PARP11: variants seen among roughly 807,000 people sequenced by gnomAD.
PARP11 encodes the protein protein mono-ADP-ribosyltransferase PARP11.
A neutral mutation model predicts 42.9 loss-of-function variants in PARP11; 31 were observed. The ratio of observed to expected loss-of-function variants is 0.72; its 90% confidence interval spans 0.54 to 0.98. The LOEUF (loss-of-function observed/expected upper bound fraction) is 0.98. Among genes scored for constraint, PARP11 ranks in the 50% least tolerant of loss-of-function variants. The pLI is 0.00. For missense variants in PARP11, 365 were observed against 413.1 expected (o/e 0.88, Z 1.01); for synonymous variants, 137 against 127.3 (o/e 1.08, Z -0.51).
intron 1 of PARP11, among the ~76,000 whole-genome samples, chr12:3,838,166 T>A (rs1261119027): frequency 6.6e-6 from 1 of 150,864 alleles, no homozygotes; most frequent in Non-Finnish European, 1.5e-5. Context: ...ATTCTTTTCA[T>A]CAACACATGA....
chr12:3,840,449 C>G lies in PARP11; in HGVS notation c.19-10431G>C. 6.2e-7 allele frequency: 1 copy of G among 1,613,382 alleles called. No individual in the cohort carries two copies. The highest frequency in any genetic ancestry group is 8.5e-7 in the Non-Finnish European group (1 of 1,179,286). On this transcript the variant is annotated intron_variant, in intron 1 of 7. Coordinates refer to ENST00000228820, the MANE Select transcript of PARP11 (RefSeq NM_020367.6). The surrounding 1 kb of genome is among the most constrained non-coding windows in gnomAD (Gnocchi z 4.4). ...GCACTACCTCCTCGACTGCAGCATC[C>G]TTCAGGAGTAAGACAACGTGAGTTC... is the stretch of plus-strand genomic sequence containing the variant.
rs1201893111 is a variant in PARP11, at chr12:3,814,324, C to T, written c.549-136G>A. 12 of 608,300 alleles carry T rather than the reference C, an allele frequency of 2.0e-5. No homozygotes were observed. The South Asian group carries it at 3.0e-4, about 15-fold the overall frequency. The allele number at this position is 608,300 out of a possible 1,614,324, so 37.7% of individuals were successfully genotyped here. A position where few individuals can be genotyped will look rare whatever the true frequency, so the allele number is the denominator to read the frequency against. On this transcript the variant is annotated intron_variant, in intron 6 of 7. Transcript: ENST00000228820. ...TAATATAAATAACAAGTGGACAAAG[C>T]AAGTCTAGAAAAGAAATAATTTCAA...
intron 1 of PARP11, among the ~76,000 whole-genome samples, chr12:3,858,408 CA>C (rs1331571648): frequency 6.6e-6 from 1 of 152,198 alleles, no homozygotes; most frequent in Admixed American, 6.5e-5. Context: ...AGTGTGCATT[CA>C]TACCAAACAA....
At chr12:3,864,529 C>T (rs998105935) in intron 1 of PARP11, among the ~76,000 whole-genome samples, 1 of 152,110 alleles carries the variant, frequency 6.6e-6, no homozygotes, top group African/African-American at 2.4e-5. Flanking sequence ...CCACTGAAAC[C>T]ATCTGGACCT....
chr12:3,866,927 A>G (rs959031632), intron 1 of PARP11, among the ~76,000 whole-genome samples: 1 of 152,228 alleles, frequency 6.6e-6, no homozygotes, highest in African/African-American at 2.4e-5. Flanking sequence ...GTGCTTTAGC[A>G]TATATTTTGT....
intron 1 of PARP11, among the ~76,000 whole-genome samples, chr12:3,838,078 C>G (rs1012508212): frequency 6.7e-6 from 1 of 148,342 alleles, no homozygotes. Flanking sequence ...ACAAAAAACA[C>G]ATCAGATTTA....
At chr12:3,814,982 T>C in intron 6 of PARP11, 1 of 455,552 alleles carries the variant, frequency 2.2e-6, no homozygotes, top group South Asian at 1.6e-5. Context: ...ATACAAACAA[T>C]AAGGCACCAT....
intron 1 of PARP11, among the ~76,000 whole-genome samples, chr12:3,847,617 T>C (rs994098634): frequency 1.3e-5 from 2 of 152,190 alleles, no homozygotes; most frequent in African/African-American, 4.8e-5. Flanking sequence ...TTGATAAAAT[T>C]CAACATCTTC....
At chr12:3,868,270 G>T (rs1177724470) in intron 1 of PARP11, among the ~76,000 whole-genome samples, 2 of 152,134 alleles carry the variant, frequency 1.3e-5, no homozygotes. Flanking sequence ...AGACCAGCCT[G>T]GCCAACACAG....
At chr12:3,857,784 A>G (rs76114012) in intron 1 of PARP11, among the ~76,000 whole-genome samples, 2,880 of 152,312 alleles carry the variant, frequency 0.019, 102 homozygotes, top group East Asian at 0.17. Flanking sequence ...TGTTCTGCTC[A>G]TCCTCCAGCT....
chr12:3,812,306 A>C lies in PARP11; in HGVS notation c.834T>G (p.Phe278Leu). 1 of 1,614,224 alleles carries C rather than the reference A, an allele frequency of 6.2e-7. No individual in the cohort carries two copies. The highest frequency in any genetic ancestry group is 8.5e-7 in the Non-Finnish European group (1 of 1,180,024). ...RHLFRTYKSM[F>L]LARVLIGDYI... is the part of the protein sequence containing the mutation. ...AATCTCCAATTAGCACTCGAGCAAG[A>C]AACATAGATTTATATGTTCTAAACA... Residue 278 changes from phenylalanine to leucine, a missense_variant, in exon 8 of 8, where the codon TTT becomes TTG. Physicochemically the swap from Phe to Leu is conservative, Grantham distance 22. Transcript: ENST00000228820.
At chr12:3,829,575 G>A (rs1289567219) in intron 2 of PARP11, among the ~76,000 whole-genome samples, 2 of 152,180 alleles carry the variant, frequency 1.3e-5, no homozygotes, top group Admixed American at 6.5e-5. Flanking sequence ...GCATACAGAA[G>A]TGTTTAATAC....
chr12:3,846,507 A>G (rs1172641761), intron 1 of PARP11, among the ~76,000 whole-genome samples: 2 of 152,138 alleles, frequency 1.3e-5, no homozygotes, highest in African/African-American at 2.4e-5. Flanking sequence ...CTGTAATCCC[A>G]GCACTTTGGG....
intron 6 of PARP11, among the ~76,000 whole-genome samples, chr12:3,816,567 T>C (rs1947290299): frequency 6.6e-6 from 1 of 152,248 alleles, no homozygotes; most frequent in South Asian, 2.1e-4. Flanking sequence ...TCTACCACTA[T>C]GGTAATCCTA....
At chr12:3,818,226 T>G (rs1947330021) in intron 6 of PARP11, among the ~76,000 whole-genome samples, 1 of 152,014 alleles carries the variant, frequency 6.6e-6, no homozygotes, top group African/African-American at 2.4e-5. Flanking sequence ...CTTTCCCCTT[T>G]TCTTTCCCTC....
chr12:3,850,588 A>G (rs957852977), intron 1 of PARP11, among the ~76,000 whole-genome samples: 7 of 152,252 alleles, frequency 4.6e-5, no homozygotes, highest in Non-Finnish European at 8.8e-5. Flanking sequence ...TGGATACGCC[A>G]ATGGCAGGTT....
intron 1 of PARP11, among the ~76,000 whole-genome samples, chr12:3,854,943 T>C (rs981321093): frequency 2.0e-5 from 3 of 152,344 alleles, no homozygotes; most frequent in African/African-American, 7.2e-5. Flanking sequence ...CACCATCAAG[T>C]TGGCTTCATC....
rs568992465 is a variant in PARP11 at position 3,825,456 on chromosome 12, A to C, written c.344+702T>G. The stretch of plus-strand genomic sequence containing the variant: ...AATGGAGATCAATGTAGGTGGAAAC[A>C]AAGTGAACAACTACCTAATTCTTAC... On this transcript the variant is annotated intron_variant, in intron 4 of 7. Transcript: ENST00000228820. 2.0e-5 allele frequency among the ~76,000 whole-genome samples: 3 copies of C among 152,318 alleles called. No individual in the cohort carries two copies. In the South Asian group the frequency reaches 6.2e-4, roughly 32 times the overall value.
intron 1 of PARP11, chr12:3,839,968 T>C: frequency 7.1e-7 from 1 of 1,416,006 alleles, no homozygotes; most frequent in Non-Finnish European, 1.0e-6. Context: ...TGTGAATGGA[T>C]TTAAACCTTT....
Sources: gnomAD v4.1 joint callset for allele counts (sites outside exome capture counted in the v4.1 genomes callset) on GRCh38, gnomAD v4.1.1 for gene constraint, Gnocchi (gnomAD v3.1) non-coding constraint, MANE v1.5 for transcripts, NCBI Gene and HGNC (gene_info 2026-07-23, HGNC 2026-07-21) for gene names.